The following MECOM variants were observed in gnomAD, a reference collection of about 807,000 sequenced individuals.
The protein encoded by MECOM is histone-lysine N-methyltransferase MECOM.
MECOM carries 13 observed loss-of-function variants against 116.3 expected under a neutral mutation model. The ratio of observed to expected loss-of-function variants is 0.11; its 90% confidence interval spans 0.07 to 0.18. The LOEUF is 0.18. Among genes scored for constraint, MECOM ranks in the 10% least tolerant of loss-of-function variants. The pLI, the probability that MECOM is intolerant of heterozygous loss-of-function variation, is 1.00. For missense variants in MECOM, 1,299 were observed against 1,509.0 expected (o/e 0.86, Z 2.31); for synonymous variants, 528 against 535.2 (o/e 0.99, Z 0.19).
chr3:169,392,198 T>C (rs2108341492), intron 1 of MECOM, among the ~76,000 whole-genome samples: 1 of 152,272 alleles, frequency 6.6e-6, no homozygotes, highest in Admixed American at 6.5e-5. Context: ...CTAGTGCCAG[T>C]AAACTTTTGC....
intron 1 of MECOM, among the ~76,000 whole-genome samples, chr3:169,408,703 C>A (rs1034607372): frequency 6.6e-6 from 1 of 152,136 alleles, no homozygotes; most frequent in South Asian, 2.1e-4. Context: ...AAAGAGCAGG[C>A]ACTACGGACA....
rs758908884 is a variant in MECOM, at chr3:169,083,763, C to T, written c.*1146G>A. The T allele has an allele frequency of 1.4e-5, 3 of 209,188 alleles. No individual in the cohort carries two copies. The highest frequency in any genetic ancestry group is 2.9e-5 in the Non-Finnish European group (3 of 102,852). The allele number at this position is 209,188 out of a possible 1,614,324, so 13.0% of individuals were successfully genotyped here. On this transcript the variant is annotated 3_prime_UTR_variant, in exon 17 of 17. Transcript: ENST00000651503. ...ATTTTACAAATAGGATTAACATGAA[C>T]ATAACATCGCACAAGCTTGCAGACA...
intron 2 of MECOM, among the ~76,000 whole-genome samples, chr3:169,262,372 T>C (rs1255838853): frequency 6.6e-6 from 1 of 152,206 alleles, no homozygotes; most frequent in Admixed American, 6.5e-5. Flanking sequence ...TGGGAAGCCC[T>C]CCCTAATTCC....
At chr3:169,108,924 T>C (rs540217109) in intron 9 of MECOM, among the ~76,000 whole-genome samples, 1 of 152,276 alleles carries the variant, frequency 6.6e-6, no homozygotes, top group East Asian at 1.9e-4. Flanking sequence ...AGAGAGTCTG[T>C]TGCAGATGTA....
At chr3:169,546,707 TAAAGAAAG>T (rs564334101) in intron 1 of MECOM, among the ~76,000 whole-genome samples, 4 of 151,794 alleles carry the variant, frequency 2.6e-5, no homozygotes, top group Non-Finnish European at 4.4e-5. Context: ...TCCCCATCTC[TAAAGAAAG>T]AAAGAAAGAA....
At chr3:169,657,308 C>A (rs1266050458) in intron 1 of MECOM, among the ~76,000 whole-genome samples, 1 of 152,242 alleles carries the variant, frequency 6.6e-6, no homozygotes, top group African/African-American at 2.4e-5. Flanking sequence ...CTAGGTAACC[C>A]CTACACAGCC....
chr3:169,172,603 C>T (rs942818015), intron 2 of MECOM, among the ~76,000 whole-genome samples: 1 of 152,014 alleles, frequency 6.6e-6, no homozygotes, highest in Non-Finnish European at 1.5e-5. Context: ...ACTATTGCAA[C>T]TTTATGAAAC....
chr3:169,286,194 G>T (rs994110228), intron 2 of MECOM, among the ~76,000 whole-genome samples: 12 of 152,122 alleles, frequency 7.9e-5, no homozygotes, highest in Non-Finnish European at 1.8e-4. Context: ...TCTTCTTGAG[G>T]CAAGAACAGA....
intron 2 of MECOM, among the ~76,000 whole-genome samples, chr3:169,343,163 T>G (rs1354171443): frequency 6.6e-6 from 1 of 152,320 alleles, no homozygotes; most frequent in East Asian, 1.9e-4. Flanking sequence ...TCTCCTGTCT[T>G]TAGCAGGTTT....
At chr3:169,202,670 A>C (rs1036678533) in intron 2 of MECOM, among the ~76,000 whole-genome samples, 1 of 151,998 alleles carries the variant, frequency 6.6e-6, no homozygotes, top group African/African-American at 2.4e-5. Context: ...AGTTCCACCT[A>C]ACCAGACACG....
chr3:169,115,661 G>C lies in MECOM; in HGVS notation c.2211C>G (p.Ser737Arg). Residue 737 changes from serine (S) to arginine (R), a missense_variant, in exon 8 of 17, where the codon AGC (serine) becomes AGG (arginine). By Grantham distance (110) the Ser-to-Arg change is moderately radical. Around this residue, in one of 6 missense-constraint regions of MECOM, gnomAD observed 340 missense variants for 312.6 expected, o/e 1.09. Transcript: ENST00000651503. ...TGGTGAGATCAAAGGGGGACTCAGA[G>C]CTGCCCTTCTGCAGTTTCTTTACTT... Reference protein sequence around the residue: ...PGEVKKLQKGSSESPFDLTTK... With the variant: ...PGEVKKLQKGRSESPFDLTTK... 6.2e-7 allele frequency: 1 copy of C among 1,614,154 alleles called. No individual in the cohort carries two copies. The highest frequency in any genetic ancestry group is 8.5e-7 in the Non-Finnish European group (1 of 1,180,028).
intron 2 of MECOM, among the ~76,000 whole-genome samples, chr3:169,264,787 A>C (rs1165306789): frequency 6.6e-6 from 1 of 152,150 alleles, no homozygotes; most frequent in Non-Finnish European, 1.5e-5. Context: ...TTTCTACCTA[A>C]AGAGTAAGCA....
At chr3:169,209,990 T>C (rs1750500657) in intron 2 of MECOM, among the ~76,000 whole-genome samples, 1 of 152,198 alleles carries the variant, frequency 6.6e-6, no homozygotes, top group Non-Finnish European at 1.5e-5. Flanking sequence ...AAAGAAAATG[T>C]GGTATATATA....
At chr3:169,125,346 C>G (rs1379960745) in intron 5 of MECOM, among the ~76,000 whole-genome samples, 1 of 152,052 alleles carries the variant, frequency 6.6e-6, no homozygotes, top group Admixed American at 6.6e-5. Flanking sequence ...TTCTCACTGT[C>G]CGTCCCTAGC....
intron 1 of MECOM, among the ~76,000 whole-genome samples, chr3:169,626,797 A>T (rs1458619841): frequency 1.3e-5 from 2 of 151,526 alleles, no homozygotes; most frequent in African/African-American, 4.9e-5. Context: ...TGACAATTCC[A>T]TGTGAATTTT....
chr3:169,489,809 T>C (rs1752858083), intron 1 of MECOM, among the ~76,000 whole-genome samples: 1 of 152,156 alleles, frequency 6.6e-6, no homozygotes, highest in African/African-American at 2.4e-5. Context: ...CTTTATAATA[T>C]CAGTCAAAAA....
Position 169,421,117 on chromosome 3 carries a change from T to C in MECOM, c.38-39593A>G, listed in dbSNP as rs115597611. Among the ~76,000 whole-genome samples the C allele has an allele frequency of 2.7e-3, 412 of 152,184 alleles. 1 individual carries two copies. The highest frequency in any genetic ancestry group is 4.9e-3 in the Non-Finnish European group (330 of 67,988). On this transcript the variant is annotated intron_variant, in intron 1 of 16. Transcript: ENST00000651503. Reference sequence around the variant, plus strand: ...GAGGTTCAGAGAACGGACTAAGAGGTAGGACATGGTCTAAGGGAAAGGGTT... The same window carrying C: ...GAGGTTCAGAGAACGGACTAAGAGGCAGGACATGGTCTAAGGGAAAGGGTT...
chr3:169,437,850 C>T (rs1742921045), intron 1 of MECOM, among the ~76,000 whole-genome samples: 1 of 152,158 alleles, frequency 6.6e-6, no homozygotes, highest in South Asian at 2.1e-4. Context: ...AAACTTTTAG[C>T]AGAGCCTAAT....
intron 1 of MECOM, among the ~76,000 whole-genome samples, chr3:169,433,521 AACAG>A (rs1208688560): frequency 1.5e-4 from 23 of 150,838 alleles, no homozygotes; most frequent in East Asian, 5.9e-4. Context: ...AAGAAAGACA[AACAG>A]ACAGACAGAA....
Sources: gnomAD v4.1 joint callset for allele counts (sites outside exome capture counted in the v4.1 genomes callset) on GRCh38, gnomAD v4.1.1 for gene constraint, gnomAD v4.1.1 regional missense constraint, MANE v1.5 for transcripts, NCBI Gene and HGNC (gene_info 2026-07-23, HGNC 2026-07-21) for gene names.